Variants in RTN4 observed in about 807,000 individuals in gnomAD.
RTN4 encodes reticulon 4.
A neutral mutation model predicts 90.4 loss-of-function variants in RTN4; 32 were observed. The observed-to-expected ratio is 0.35, with a 90% CI of 0.27 to 0.48. The LOEUF is 0.48. Ranked by LOEUF, RTN4 falls within the 20% of genes least tolerant of loss-of-function variation. The pLI, the probability that RTN4 is intolerant of heterozygous loss-of-function variation, is 0.99. For missense variants in RTN4, 1,706 were observed against 1,430.2 expected (o/e 1.19, Z -3.11); for synonymous variants, 629 against 552.5 (o/e 1.14, Z -1.94).
chr2:55,125,362 C>T, the RTN4 span, among the ~76,000 whole-genome samples: 1 of 152,200 alleles, frequency 6.6e-6, no homozygotes, highest in Non-Finnish European at 1.5e-5. Context: ...GCAAACTATG[C>T]ATCTGACGAA....
intron 5 of RTN4, 87 bp from the exon 6 acceptor site, chr2:54,974,851 C>T (rs769455106): frequency 6.3e-6 from 7 of 1,103,528 alleles, no homozygotes; most frequent in Non-Finnish European, 8.3e-6. Context: ...ATCTAAATGC[C>T]TACCTACAAA....
At chr2:55,013,448 T>C (rs1354346779) in intron 3 of RTN4, among the ~76,000 whole-genome samples, 1 of 152,106 alleles carries the variant, frequency 6.6e-6, no homozygotes, top group Non-Finnish European at 1.5e-5. Context: ...TGCTGTAAAA[T>C]TACCTACACG....
At chr2:55,024,049 G>A (rs1467726512) in intron 3 of RTN4, among the ~76,000 whole-genome samples, 1 of 152,082 alleles carries the variant, frequency 6.6e-6, no homozygotes, top group Non-Finnish European at 1.5e-5. Flanking sequence ...ATATCTTAGA[G>A]GTATGTACAT....
chr2:55,095,117 G>T (rs968763226), intron 1 of RTN4, among the ~76,000 whole-genome samples: 1 of 152,110 alleles, frequency 6.6e-6, no homozygotes, highest in Non-Finnish European at 1.5e-5. Context: ...GACTTCAGGA[G>T]TTCGAGATCA....
At chr2:55,051,496 G>A (rs2968789), upstream of RTN4, among the ~76,000 whole-genome samples, 139,162 of 152,284 alleles carry the variant, frequency 0.91, 63,718 homozygotes, top group Middle Eastern at 0.98. Flanking sequence ...AGTTTAAAGA[G>A]AGTAGTTGCA....
intron 2 of RTN4, among the ~76,000 whole-genome samples, chr2:55,062,265 A>T (rs1668311127): frequency 6.6e-6 from 1 of 152,178 alleles, no homozygotes; most frequent in Non-Finnish European, 1.5e-5. Context: ...CCAAGGCAGG[A>T]ACCCCGAGAT....
chr2:55,109,263 T>G (rs1263772727), intron 1 of RTN4, among the ~76,000 whole-genome samples: 1 of 152,164 alleles, frequency 6.6e-6, no homozygotes, highest in African/African-American at 2.4e-5. Context: ...AGTGGATGCC[T>G]GCATGGGACA....
chr2:55,068,535 T>G (rs1210624862), intron 2 of RTN4, among the ~76,000 whole-genome samples: 2 of 152,140 alleles, frequency 1.3e-5, no homozygotes, highest in Non-Finnish European at 2.9e-5. Context: ...TTTAATAAAC[T>G]ACTGTCAGTT....
chr2:55,062,639 A>T (rs1243959350), intron 2 of RTN4, among the ~76,000 whole-genome samples: 3 of 152,220 alleles, frequency 2.0e-5, no homozygotes, highest in African/African-American at 7.2e-5. Context: ...ACATCACATC[A>T]GGAGACACAG....
intron 1 of RTN4, among the ~76,000 whole-genome samples, chr2:55,042,339 G>C (rs1318888763): frequency 6.6e-6 from 1 of 152,104 alleles, no homozygotes; most frequent in Admixed American, 6.5e-5. Flanking sequence ...GTATACAAGA[G>C]TGTTCACAGA....
chr2:55,049,690 A>C lies in RTN4; in HGVS notation c.556+55T>G, dbSNP rs768766957. The C allele has an allele frequency of 1.3e-5, 19 of 1,455,960 alleles. No homozygotes were observed. In the Admixed American group the frequency reaches 5.0e-4, roughly 39 times the overall value. The allele number at this position is 1,455,960 out of a possible 1,614,324, so 90.2% of individuals were successfully genotyped here. Reference sequence around the variant, plus strand: ...CAGCCCAAAGCATCTGGGGCTGCACACAAAAGAGGGAGGGGCGCGAGGGGC... The same window carrying C: ...CAGCCCAAAGCATCTGGGGCTGCACCCAAAAGAGGGAGGGGCGCGAGGGGC... On this transcript the variant is annotated intron_variant, in intron 1 of 8. Coordinates refer to ENST00000337526, the MANE Select transcript of RTN4 (RefSeq NM_020532.5).
intron 5 of RTN4, 29 bp from the exon 6 acceptor site, chr2:54,974,793 A>G: frequency 6.3e-7 from 1 of 1,589,478 alleles, no homozygotes; most frequent in Non-Finnish European, 8.6e-7. Flanking sequence ...AGCCCATTAT[A>G]AACAAAATTC....
chr2:55,047,735 G>A (rs1264352052), intron 1 of RTN4, among the ~76,000 whole-genome samples: 1 of 152,156 alleles, frequency 6.6e-6, no homozygotes, highest in African/African-American at 2.4e-5. Context: ...CCCCGAAGTA[G>A]CAAGTACTTA....
chr2:55,009,274 G>A (rs1680461258), intron 3 of RTN4, among the ~76,000 whole-genome samples: 1 of 151,892 alleles, frequency 6.6e-6, no homozygotes, highest in Admixed American at 6.6e-5. Context: ...TAATTTAAAG[G>A]TAATTTATTA....
chr2:55,058,686 TG>T (rs1668234207), intron 2 of RTN4, among the ~76,000 whole-genome samples: 1 of 152,126 alleles, frequency 6.6e-6, no homozygotes, highest in South Asian at 2.1e-4. Flanking sequence ...GAAAATAAAG[TG>T]GTGCTTCCAG....
chr2:55,062,832 A>T (rs556403015), intron 2 of RTN4, among the ~76,000 whole-genome samples: 9 of 152,236 alleles, frequency 5.9e-5, no homozygotes, highest in Non-Finnish European at 1.3e-4. Context: ...TCCTTGCCTG[A>T]TTCAATAATT....
At chr2:55,042,390 T>C (rs1003720213) in intron 1 of RTN4, among the ~76,000 whole-genome samples, 1 of 152,112 alleles carries the variant, frequency 6.6e-6, no homozygotes, top group African/African-American at 2.4e-5. Context: ...TCAACCTAAA[T>C]AACCATCAAT....
At chr2:55,089,719 T>A (rs928783130) in intron 1 of RTN4, among the ~76,000 whole-genome samples, 4 of 152,238 alleles carry the variant, frequency 2.6e-5, no homozygotes, top group Non-Finnish European at 4.4e-5. Context: ...CAAGCCCACC[T>A]CCAAAGCAAG....
At chr2:55,125,983 C>A in the RTN4 span, among the ~76,000 whole-genome samples, 1 of 151,244 alleles carries the variant, frequency 6.6e-6, no homozygotes, top group Non-Finnish European at 1.5e-5. Context: ...ATGGTGTGAA[C>A]CTGACAGGCA....
Sources: gnomAD v4.1 joint callset for allele counts (sites outside exome capture counted in the v4.1 genomes callset) on GRCh38, gnomAD v4.1.1 for gene constraint, MANE v1.5 for transcripts, NCBI Gene and HGNC (gene_info 2026-07-23, HGNC 2026-07-21) for gene names.